Variants in PLXNC1 observed in about 807,000 individuals in gnomAD.
PLXNC1 encodes the protein plexin C1.
A neutral mutation model predicts 178.2 loss-of-function variants in PLXNC1; 75 were observed. That is an observed-to-expected ratio of 0.42 (90% CI 0.35 to 0.51). The LOEUF is 0.51. PLXNC1 is among the 20% of genes least tolerant of loss of function. The pLI is 0.02. For synonymous variants in PLXNC1, 790 were observed against 779.9 expected, an observed-to-expected ratio of 1.01 and a Z score of -0.22; for missense variants, 1,503 against 1,984.4, an observed-to-expected ratio of 0.76 and a Z score of 4.61.
chr12:94,298,715 C>G lies in PLXNC1; in HGVS notation c.4158C>G (p.Tyr1386Ter), dbSNP rs752703774. Residue 1386 changes from tyrosine to a stop codon, truncating the protein, a stop_gained, in exon 27 of 31, where the codon TAC becomes TAG. Coordinates refer to ENST00000258526, the MANE Select transcript of PLXNC1 (RefSeq NM_005761.3). LOFTEE classifies it high-confidence loss of function. ...GCAGAGCTCCATTTGCTATAAAATA[C>G]TTTTTTGACTTTTTGGACGCCCAGG... is the stretch of plus-strand genomic sequence containing the variant. ...PNSRAPFAIK[Y>*]FFDFLDAQAE... 1 of 1,613,166 alleles carries G rather than the reference C, an allele frequency of 6.2e-7. No homozygotes were observed. The highest frequency in any genetic ancestry group is 8.5e-7 in the Non-Finnish European group (1 of 1,179,764).
At chr12:94,173,765 C>T (rs1391708686) in intron 2 of PLXNC1, among the ~76,000 whole-genome samples, 1 of 152,110 alleles carries the variant, frequency 6.6e-6, no homozygotes, top group Non-Finnish European at 1.5e-5. Flanking sequence ...AGGGTTGATA[C>T]CAAGATGCAG....
rs773297067 is a variant in PLXNC1 at position 94,255,320 on chromosome 12, C to T, written c.3087+24C>T. On this transcript the variant is annotated intron_variant, in intron 17 of 30. Coordinates refer to ENST00000258526, the MANE Select transcript of PLXNC1 (RefSeq NM_005761.3). ...AGGTAAAAGAGCATTGATCATATTC[C>T]GAAGGTTGAGTCTTGAATAATAATG... 2.1e-5 allele frequency: 31 copies of T among 1,459,078 alleles called. No homozygotes were observed. In the East Asian group the frequency reaches 3.2e-4, roughly 15 times the overall value. The allele number at this position is 1,459,078 out of a possible 1,614,324, so 90.4% of individuals were successfully genotyped here.
chr12:94,182,491 C>G (rs1298709544), intron 3 of PLXNC1, among the ~76,000 whole-genome samples: 1 of 146,656 alleles, frequency 6.8e-6, no homozygotes, highest in Admixed American at 6.8e-5. Flanking sequence ...TCTGGGAAGC[C>G]AAGGCAGGGA....
chr12:94,265,101 A>C lies in PLXNC1; in HGVS notation c.3473A>C (p.Tyr1158Ser), dbSNP rs754845309. The C allele has an allele frequency of 6.2e-7, 1 of 1,614,166 alleles. No individual in the cohort carries two copies. The highest frequency in any genetic ancestry group is 2.2e-5 in the East Asian group (1 of 44,894). ...FLRETVGEPF[Y>S]LLVTTLNQKI... ...AAGGAGACTGTCGGAGAGCCCTTCT[A>C]TTTGCTGGTGACGACTCTGAACCAG... Residue 1158 changes from tyrosine (Y) to serine (S), a missense_variant, in exon 21 of 31, where the codon TAT (tyrosine) becomes TCT (serine). Transcript: ENST00000258526.
chr12:94,291,564 G>A (rs562714105), intron 23 of PLXNC1, among the ~76,000 whole-genome samples: 2 of 152,096 alleles, frequency 1.3e-5, no homozygotes, highest in African/African-American at 2.4e-5. Flanking sequence ...AAGCTAATTC[G>A]TTTAAAGTAT....
At chr12:94,156,189 A>C (rs1248436001) in intron 1 of PLXNC1, among the ~76,000 whole-genome samples, 1 of 152,256 alleles carries the variant, frequency 6.6e-6, no homozygotes, top group Non-Finnish European at 1.5e-5. Context: ...CTTAACTCAT[A>C]GTAAATGTTA....
chr12:94,230,587 T>C (rs1429620063), intron 9 of PLXNC1, among the ~76,000 whole-genome samples: 5 of 152,252 alleles, frequency 3.3e-5, no homozygotes, highest in Non-Finnish European at 7.3e-5. Context: ...CTCTCTTTTG[T>C]TTGATAGGGA....
intron 3 of PLXNC1, among the ~76,000 whole-genome samples, chr12:94,184,179 C>T (rs1592742629): frequency 6.7e-6 from 1 of 150,322 alleles, no homozygotes; most frequent in East Asian, 2.0e-4. Flanking sequence ...TGCAGTGGCG[C>T]AATCTCAGCT....
At position 94,239,108 on chromosome 12, in the gene PLXNC1, G is replaced by C. The variant is rs536852090; in HGVS notation, c.2120+1305G>C. Among the ~76,000 whole-genome samples, 35 of 152,240 alleles carry C rather than the reference G, an allele frequency of 2.3e-4. No individual in the cohort carries two copies. In the South Asian group the frequency reaches 7.0e-3, roughly 31 times the overall value. ...CTCATTTTAATTCCGAATGTGTCTT[G>C]AGATACTGCAGTTATTAAATTAAAT... On this transcript the variant is annotated intron_variant, in intron 10 of 30. Transcript: ENST00000258526.
At chr12:94,213,128 T>C (rs1156312266) in intron 5 of PLXNC1, among the ~76,000 whole-genome samples, 1 of 152,244 alleles carries the variant, frequency 6.6e-6, no homozygotes, top group African/African-American at 2.4e-5. Context: ...GCATGTGTCT[T>C]TATAGTAGCA....
At chr12:94,210,876 T>G (rs1197893891) in intron 5 of PLXNC1, among the ~76,000 whole-genome samples, 1 of 152,232 alleles carries the variant, frequency 6.6e-6, no homozygotes, top group South Asian at 2.1e-4. Flanking sequence ...CAAATTCTAA[T>G]TTCTCTCATC....
chr12:94,173,905 G>T (rs925280249), intron 2 of PLXNC1, among the ~76,000 whole-genome samples: 2 of 152,144 alleles, frequency 1.3e-5, no homozygotes, highest in East Asian at 3.9e-4. Context: ...GTCCACGGGG[G>T]TCTCTGAATC....
chr12:94,245,623 C>A (rs1360730238), intron 12 of PLXNC1, among the ~76,000 whole-genome samples: 1 of 152,198 alleles, frequency 6.6e-6, no homozygotes, highest in African/African-American at 2.4e-5. Flanking sequence ...GACACCATTT[C>A]TTTTCACATT....
At chr12:94,244,721 T>TA (rs1311795846) in intron 12 of PLXNC1, among the ~76,000 whole-genome samples, 2 of 152,136 alleles carry the variant, frequency 1.3e-5, no homozygotes, top group African/African-American at 2.4e-5. Context: ...GCTAATGAGC[T>TA]AAAAAATGGT....
At chr12:94,290,253 AT>A (rs1316302058) in intron 23 of PLXNC1, among the ~76,000 whole-genome samples, 1 of 152,250 alleles carries the variant, frequency 6.6e-6, no homozygotes, top group African/African-American at 2.4e-5. Flanking sequence ...GTGGGGAGGA[AT>A]TTTGTAACTA....
intron 21 of PLXNC1, among the ~76,000 whole-genome samples, chr12:94,268,251 G>T (rs1965364444): frequency 6.6e-6 from 1 of 152,144 alleles, no homozygotes; most frequent in Admixed American, 6.5e-5. Context: ...GAACATAAAG[G>T]CATCTTGCCA....
At chr12:94,181,879 C>T (rs1045584740) in intron 3 of PLXNC1, among the ~76,000 whole-genome samples, 13 of 152,054 alleles carry the variant, frequency 8.5e-5, no homozygotes, top group Admixed American at 8.5e-4. Flanking sequence ...ACTGAATTTA[C>T]ACATTTATTG....
intron 21 of PLXNC1, 27 bp downstream of exon 21, chr12:94,265,252 A>G (rs1965171186): frequency 6.3e-7 from 1 of 1,575,392 alleles, no homozygotes. Flanking sequence ...GCTCCCAGCC[A>G]GACTCCCAAA....
chr12:94,293,043 T>G (rs1461877311), intron 23 of PLXNC1, among the ~76,000 whole-genome samples: 1 of 152,226 alleles, frequency 6.6e-6, no homozygotes. Flanking sequence ...TAGTTTTGAC[T>G]GTTTGGGCTT....
Sources: gnomAD v4.1 joint callset for allele counts (sites outside exome capture counted in the v4.1 genomes callset) on GRCh38, gnomAD v4.1.1 for gene constraint, MANE v1.5 for transcripts, NCBI Gene and HGNC (gene_info 2026-07-23, HGNC 2026-07-21) for gene names.